GGT1: variants seen among roughly 807,000 people sequenced by gnomAD.
The protein encoded by GGT1 is glutathione hydrolase 1 proenzyme.
A neutral mutation model predicts 56.0 loss-of-function variants in GGT1; 21 were observed. The observed-to-expected ratio is 0.38, with a 90% CI of 0.27 to 0.54. GGT1 has a LOEUF of 0.54. Among genes scored for constraint, GGT1 ranks in the 20% least tolerant of loss-of-function variants. The probability of loss-of-function intolerance (pLI) is 0.82; values close to 1 mark genes in which losing one functional copy is unlikely to be tolerated. For synonymous variants in GGT1, 238 were observed against 342.6 expected, an observed-to-expected ratio of 0.69 and a Z score of 3.37; for missense variants, 466 against 787.0, an observed-to-expected ratio of 0.59 and a Z score of 4.88.
intron 1 of GGT1, among the ~76,000 whole-genome samples, chr22:24,607,244 G>A (rs1289945675): frequency 2.6e-5 from 4 of 151,914 alleles, no homozygotes; most frequent in East Asian, 1.9e-4. Flanking sequence ...CCATGTTCCC[G>A]GAACACACCT....
At chr22:24,626,007 G>GTC in intron 11 of GGT1, among the ~76,000 whole-genome samples, 1 of 135,586 alleles carries the variant, frequency 7.4e-6, no homozygotes, top group Non-Finnish European at 1.5e-5. Context: ...TTGAGACGGA[G>GTC]TCTCGCTCTG....
At chr22:24,600,458 G>C (rs1317449479), upstream of GGT1, among the ~76,000 whole-genome samples, 1 of 152,262 alleles carries the variant, frequency 6.6e-6, no homozygotes, top group Non-Finnish European at 1.5e-5. Flanking sequence ...TCAAGTGCCA[G>C]GCCAGCCCTG....
chr22:24,586,419 A>G, the GGT1 span: 1 of 1,603,532 alleles, frequency 6.2e-7, no homozygotes, highest in Non-Finnish European at 8.5e-7. Flanking sequence ...AGGCTATGGG[A>G]GAGTGGCAGG....
chr22:24,618,319 G>A (rs555807183), intron 7 of GGT1, among the ~76,000 whole-genome samples: 7 of 152,300 alleles, frequency 4.6e-5, no homozygotes, highest in Admixed American at 1.3e-4. Context: ...GGCTGGGCAC[G>A]GTGGCTCACA....
the GGT1 span, chr22:24,585,965 C>G: frequency 6.2e-7 from 1 of 1,609,800 alleles, no homozygotes; most frequent in Non-Finnish European, 8.5e-7. Flanking sequence ...GGTGGTGGCC[C>G]CGGCCGCACT....
rs2047885341 is a variant in GGT1, at chr22:24,627,765, A to G, written c.1209-87A>G. On this transcript the variant is annotated intron_variant, in intron 12 of 15. Coordinates refer to ENST00000400382, the MANE Select transcript of GGT1 (RefSeq NM_001288833.2). Reference sequence around the variant, plus strand: ...CTTGGTAGCTTATCCTGGGCCTCTCAGTGAGTATGTTTGAGCCTCAGTGGG... The same window carrying G: ...CTTGGTAGCTTATCCTGGGCCTCTCGGTGAGTATGTTTGAGCCTCAGTGGG... The G allele has an allele frequency of 5.1e-6, 8 of 1,553,672 alleles. No individual in the cohort carries two copies. The South Asian group carries it at 7.3e-5, about 14-fold the overall frequency.
At chr22:24,618,484 G>A (rs1436684686) in intron 7 of GGT1, among the ~76,000 whole-genome samples, 5 of 152,184 alleles carry the variant, frequency 3.3e-5, no homozygotes, top group South Asian at 2.1e-4. Context: ...CCAGCTACTC[G>A]GGAGGCTGAG....
intron 1 of GGT1, among the ~76,000 whole-genome samples, chr22:24,595,947 G>A (rs1007472398): frequency 6.6e-6 from 1 of 152,224 alleles, no homozygotes; most frequent in African/African-American, 2.4e-5. Flanking sequence ...GAGCCTCCTG[G>A]TAGCCACTGT....
chr22:24,602,353 A>G (rs1442214965), upstream of GGT1, among the ~76,000 whole-genome samples: 1 of 152,170 alleles, frequency 6.6e-6, no homozygotes, highest in Non-Finnish European at 1.5e-5. Context: ...GGGCTCCTTG[A>G]GAGAAGAATC....
chr22:24,585,996 G>A, the GGT1 span: 1 of 1,610,772 alleles, frequency 6.2e-7, no homozygotes, highest in Non-Finnish European at 8.5e-7. Context: ...TCAAGGTCCA[G>A]GCCCTCGTAG....
At chr22:24,597,906 T>C (rs926030692) in intron 1 of GGT1, 1 of 152,148 alleles carries the variant, frequency 6.6e-6, no homozygotes, top group Admixed American at 6.6e-5. Context: ...GAGGGCTTGG[T>C]CCCACAAGAC....
intron 1 of GGT1, among the ~76,000 whole-genome samples, chr22:24,596,243 T>C (rs995588701): frequency 1.3e-5 from 2 of 152,196 alleles, no homozygotes; most frequent in African/African-American, 4.8e-5. Context: ...TACCACAAAC[T>C]CAGTGGCTTA....
chr22:24,601,179 G>T (rs111690172), upstream of GGT1, among the ~76,000 whole-genome samples: 2,826 of 152,296 alleles, frequency 0.019, 49 homozygotes, highest in Middle Eastern at 0.027. Context: ...CGGTTCTGGA[G>T]TATGGGCCAG....
At chr22:24,594,224 C>T (rs939084333), upstream of GGT1, among the ~76,000 whole-genome samples, 6 of 152,000 alleles carry the variant, frequency 3.9e-5, no homozygotes, top group Non-Finnish European at 8.8e-5. Flanking sequence ...GGCTCTGGGA[C>T]GCTCACATCT....
rs375039337 is a variant in GGT1 at position 24,613,853 on chromosome 22, C to A, written c.165-923C>A. Among the ~76,000 whole-genome samples the A allele has an allele frequency of 2.0e-3, 301 of 152,150 alleles. 6 individuals are homozygous for A. In the South Asian group the frequency reaches 0.045, roughly 23 times the overall value. ...TTGCTTTAGACCATGAGTTCGAGAC[C>A]AGCTTGGGCAACATAGAAAGACCCT... On this transcript the variant is annotated intron_variant, in intron 5 of 15. Transcript: ENST00000400382.
chr22:24,623,680 G>T (rs1413652265), intron 10 of GGT1, 100 bp from the exon 11 acceptor site: 1 of 958,022 alleles, frequency 1.0e-6, no homozygotes, highest in Non-Finnish European at 1.6e-6. Context: ...GTTATTAAAC[G>T]CTCCTTGAGG....
At chr22:24,613,618 T>C (rs2147359753) in intron 5 of GGT1, among the ~76,000 whole-genome samples, 1 of 151,596 alleles carries the variant, frequency 6.6e-6, no homozygotes, top group South Asian at 2.1e-4. Flanking sequence ...GGCATGGTGG[T>C]GTGCGCCTGT....
chr22:24,586,554 A>T, the GGT1 span: 253,038 of 944,802 alleles, frequency 0.27, 37,660 homozygotes, highest in East Asian at 0.45. Context: ...TTTTTGAGAC[A>T]AAGTTTCGCT....
At chr22:24,616,554 CTTT>C (rs113675142) in intron 7 of GGT1, among the ~76,000 whole-genome samples, 3 of 131,986 alleles carry the variant, frequency 2.3e-5, no homozygotes, top group Non-Finnish European at 3.3e-5. Context: ...TTTTTTTTTT[CTTT>C]TTTTTTTTTT....
Sources: allele counts gnomAD v4.1 joint callset (sites outside exome capture counted in the v4.1 genomes callset), GRCh38; gene constraint gnomAD v4.1.1; transcripts MANE v1.5; gene names NCBI Gene and HGNC (gene_info 2026-07-23, HGNC 2026-07-21).